Variants in AOX1 observed in about 807,000 individuals in gnomAD.
The protein encoded by AOX1 is aldehyde oxidase.
AOX1 carries 153 observed loss-of-function variants against 169.5 expected under a neutral mutation model. The ratio of observed to expected loss-of-function variants is 0.90; its 90% CI spans 0.79 to 1.03. AOX1 has a LOEUF of 1.03. AOX1 is among the 50% of genes least tolerant of loss of function. The pLI is 0.00. For missense variants in AOX1, 1,656 were observed against 1,663.9 expected, an observed-to-expected ratio of 1.00 and a Z score of 0.08; for synonymous variants, 562 against 581.9, an observed-to-expected ratio of 0.97 and a Z score of 0.49.
At chr2:200,666,154 T>C (rs2035920880) in intron 31 of AOX1, among the ~76,000 whole-genome samples, 1 of 152,242 alleles carries the variant, frequency 6.6e-6, no homozygotes, top group African/African-American at 2.4e-5. Flanking sequence ...CAGTAGCAAG[T>C]TGTAGTGTCA....
intron 20 of AOX1, among the ~76,000 whole-genome samples, chr2:200,629,630 A>G (rs1182765118): frequency 6.6e-6 from 1 of 152,204 alleles, no homozygotes; most frequent in Non-Finnish European, 1.5e-5. Flanking sequence ...TAAAATGTGG[A>G]AAATACTGGA....
At chr2:200,679,746 T>TA (rs900843831), downstream of AOX1, among the ~76,000 whole-genome samples, 1 of 151,326 alleles carries the variant, frequency 6.6e-6, no homozygotes, top group Non-Finnish European at 1.5e-5. Flanking sequence ...CACAAAGACA[T>TA]AAAAAAGGGA....
At chr2:200,651,757 G>T (rs770775049) in intron 26 of AOX1, among the ~76,000 whole-genome samples, 5 of 152,178 alleles carry the variant, frequency 3.3e-5, no homozygotes, top group Non-Finnish European at 7.3e-5. Flanking sequence ...CTGGGAATCT[G>T]CTCTTGCAGT....
rs57410809 is a variant in AOX1 at position 200,630,210 on chromosome 2, T to TAAA, written c.2221+2786_2221+2788dup. On this transcript the variant is annotated intron_variant, in intron 20 of 34. Transcript: ENST00000374700. ...TCAATGTAGCAAGACTCCTTCTATTTAAAAAAAAAAAAAAAAAAAAAAAAA... is the reference window on the plus strand; with the variant it reads ...TCAATGTAGCAAGACTCCTTCTATTTAAAAAAAAAAAAAAAAAAAAAAAAAAAA... Among the ~76,000 whole-genome samples the TAAA allele has an allele frequency of 6.1e-4, 58 of 95,522 alleles. 3 individuals are homozygous for TAAA. Among genetic ancestry groups the TAAA allele is most frequent in the African/African-American group, 2.3e-3 (50 of 21,880 alleles). 62.7% of individuals were successfully genotyped at this position (95,522 alleles called of 152,430 possible).
At chr2:200,672,308 A>C (rs1426818815), downstream of AOX1, among the ~76,000 whole-genome samples, 8 of 152,396 alleles carry the variant, frequency 5.2e-5, no homozygotes, top group African/African-American at 1.9e-4. Flanking sequence ...TTTTTAAAAA[A>C]GTATCTGTGG....
chr2:200,636,359 C>T (rs2035233288), intron 21 of AOX1, among the ~76,000 whole-genome samples: 1 of 151,948 alleles, frequency 6.6e-6, no homozygotes, highest in African/African-American at 2.4e-5. Flanking sequence ...GAACTCCTGA[C>T]CTCAGGTGAT....
At chr2:200,674,484 G>A (rs567608543), downstream of AOX1, among the ~76,000 whole-genome samples, 7 of 152,300 alleles carry the variant, frequency 4.6e-5, no homozygotes, top group Admixed American at 2.6e-4. Context: ...ATGGGCATAT[G>A]GAAGTGGCAT....
At chr2:200,638,037 A>C (rs141482683) in intron 22 of AOX1, 178 bp from the exon 23 acceptor site, 16 of 528,788 alleles carry the variant, frequency 3.0e-5, no homozygotes, top group Middle Eastern at 5.4e-4. Context: ...TCCCTGACCT[A>C]ACGGGAGGAA....
chr2:200,647,701 C>A lies in AOX1; in HGVS notation c.2848-3273C>A, dbSNP rs118064746. ...ATGTTTTCCAAGCTTTTAGAATTAT[C>A]TTCTTCCTCAGCAACACTGATTATT... is the stretch of plus-strand genomic sequence containing the variant. On this transcript the variant is annotated intron_variant, in intron 25 of 34. Coordinates refer to ENST00000374700, the MANE Select transcript of AOX1 (RefSeq NM_001159.4). Among the ~76,000 whole-genome samples the A allele has an allele frequency of 3.0e-3, 450 of 152,324 alleles. 2 individuals are homozygous for A. Among genetic ancestry groups the A allele is most frequent in the East Asian group, 0.018 (94 of 5,186 alleles).
chr2:200,668,870 A>G (rs1275546823), intron 33 of AOX1, 67 bp downstream of exon 33: 3 of 1,377,540 alleles, frequency 2.2e-6, no homozygotes, highest in Admixed American at 2.1e-5. Flanking sequence ...GGAAGGCTAC[A>G]TTCCTCTCTT....
At chr2:200,659,848 TTTCATATCACC>T in intron 28 of AOX1, 136 bp from the exon 29 acceptor site, 1 of 615,538 alleles carries the variant, frequency 1.6e-6, no homozygotes, top group Non-Finnish European at 2.8e-6. Context: ...ATATGAAACC[TTTCATATCACC>T]TTCATACAGG....
rs963771450 is a variant in AOX1 at position 200,586,163 on chromosome 2, C to G, written c.45+10C>G. On this transcript the variant is annotated intron_variant, in intron 1 of 34. Coordinates refer to ENST00000374700, the MANE Select transcript of AOX1 (RefSeq NM_001159.4). Reference sequence around the variant, plus strand: ...CGTGAACGGCCGCAAGGTGAGCGCCCGCGGGCTTCCTCTGCCCCCAGACCT... The same window carrying G: ...CGTGAACGGCCGCAAGGTGAGCGCCGGCGGGCTTCCTCTGCCCCCAGACCT... The G allele has an allele frequency of 3.9e-6, 6 of 1,554,888 alleles. No homozygotes were observed. In the African/African-American group the frequency reaches 6.8e-5, roughly 18 times the overall value.
At chr2:200,665,567 G>C (rs1002581953) in intron 31 of AOX1, among the ~76,000 whole-genome samples, 2 of 152,182 alleles carry the variant, frequency 1.3e-5, no homozygotes, top group East Asian at 1.9e-4. Flanking sequence ...GAGTAGCTGG[G>C]ACTACAGGCA....
rs201739752 is a variant in AOX1 at position 200,605,633 on chromosome 2, G to A, written c.907+5G>A. ...TTGTAAACCATGCATATAATGGTGA[G>A]TTCTCAAGTCCCTGTTTTCTTAGTT... is the stretch of plus-strand genomic sequence containing the variant. On this transcript the variant is annotated splice_donor_5th_base_variant and intron_variant, in intron 10 of 34. Coordinates refer to ENST00000374700, the MANE Select transcript of AOX1 (RefSeq NM_001159.4). 1.6e-5 allele frequency: 23 copies of A among 1,416,672 alleles called. No homozygotes were observed. The highest frequency in any genetic ancestry group is 2.1e-5 in the Non-Finnish European group (22 of 1,052,932). The allele number at this position is 1,416,672 out of a possible 1,614,324, so 87.8% of individuals were successfully genotyped here.
rs955247448 is a variant in AOX1 at position 200,666,625 on chromosome 2, C to T, written c.3544-62C>T. On this transcript the variant is annotated intron_variant, in intron 31 of 34. Coordinates refer to ENST00000374700, the MANE Select transcript of AOX1 (RefSeq NM_001159.4). ...AGTCAGCCTGGCAGGAAGTGTTCCT[C>T]AGCTTCTTCTCCCTAAGTTATTCTC... 1.0e-5 allele frequency: 13 copies of T among 1,270,672 alleles called. No homozygotes were observed. The African/African-American group carries it at 1.8e-4, about 18-fold the overall frequency. 78.7% of individuals were successfully genotyped at this position (1,270,672 alleles called of 1,614,324 possible).
chr2:200,626,639 TC>T (rs1049033661), intron 19 of AOX1, among the ~76,000 whole-genome samples: 21 of 152,288 alleles, frequency 1.4e-4, no homozygotes, highest in African/African-American at 5.1e-4. Flanking sequence ...TACACCCAGC[TC>T]CCAGACAGGG....
chr2:200,660,643 A>G (rs1385967552), intron 29 of AOX1, among the ~76,000 whole-genome samples: 3 of 152,238 alleles, frequency 2.0e-5, no homozygotes, highest in Non-Finnish European at 4.4e-5. Flanking sequence ...TAGTTTATCA[A>G]CTACCAGATG....
chr2:200,668,742 C>T lies in AOX1; in HGVS notation c.3737C>T (p.Thr1246Met), dbSNP rs142565909. The T allele has an allele frequency of 2.7e-5, 43 of 1,614,032 alleles. No individual in the cohort carries two copies. Among genetic ancestry groups the T allele is most frequent in the African/African-American group, 1.9e-4 (14 of 74,918 alleles). The change falls in exon 33 of 35, where the codon ACG becomes ATG. Residue 1246 changes from threonine to methionine, a missense_variant. By Grantham distance (81) the Thr-to-Met change is moderately conservative (BLOSUM62 -1). Coordinates refer to ENST00000374700, the MANE Select transcript of AOX1 (RefSeq NM_001159.4). Reference protein sequence around the residue: ...YKIPAICDMPTELHIALLPPS... With the variant: ...YKIPAICDMPMELHIALLPPS... ...ATCCCTGCCATCTGTGACATGCCCA[C>T]GGAGTTGCACATTGCTTTGTTGCCT... is the stretch of plus-strand genomic sequence containing the variant.
intron 20 of AOX1, among the ~76,000 whole-genome samples, chr2:200,629,450 G>A (rs981129443): frequency 3.3e-5 from 5 of 152,126 alleles, no homozygotes; most frequent in African/African-American, 1.2e-4. Flanking sequence ...AGATACGTTG[G>A]CAGGTGTTCA....
Sources: gnomAD v4.1 joint callset for allele counts (sites outside exome capture counted in the v4.1 genomes callset) on GRCh38, gnomAD v4.1.1 for gene constraint, MANE v1.5 for transcripts, NCBI Gene and HGNC (gene_info 2026-07-23, HGNC 2026-07-21) for gene names.